Variants in FUT8 observed in about 807,000 individuals in gnomAD.
FUT8 encodes the protein alpha-(1,6)-fucosyltransferase.
FUT8 carries 29 observed loss-of-function variants against 71.3 expected under a neutral mutation model. The observed-to-expected ratio is 0.41, with a 90% confidence interval of 0.30 to 0.55. The LOEUF is 0.55. Ranked by LOEUF, FUT8 falls within the 20% of genes least tolerant of loss-of-function variation. The pLI, the probability that FUT8 is intolerant of heterozygous loss-of-function variation, is 0.34. For synonymous variants in FUT8, 254 were observed against 239.3 expected (o/e 1.06, Z -0.57); for missense variants, 544 against 702.1 (o/e 0.77, Z 2.55).
In FUT8 at chr14:65,469,337, G is replaced by A. The variant is rs1409026541; in HGVS notation, c.-228+13619G>A. Among the ~76,000 whole-genome samples the A allele has an allele frequency of 3.9e-5, 6 of 152,010 alleles. No homozygotes were observed. The East Asian group carries it at 1.2e-3, about 29-fold the overall frequency. ...ATTTTTTTTCATAGCCAGACAGAAT[G>A]TATCAGGTAAAAGGAACTGAGGTAA... On this transcript the variant is annotated intron_variant, in intron 2 of 10. Transcript: ENST00000673929.
chr14:65,704,644 A>G (rs1894472461), intron 7 of FUT8, among the ~76,000 whole-genome samples: 1 of 152,210 alleles, frequency 6.6e-6, no homozygotes, highest in Admixed American at 6.5e-5. Context: ...TATCCCCTTT[A>G]TTAGCAAGCT....
intron 2 of FUT8, among the ~76,000 whole-genome samples, chr14:65,520,892 T>G (rs1452254054): frequency 6.6e-6 from 1 of 152,178 alleles, no homozygotes; most frequent in Non-Finnish European, 1.5e-5. Context: ...CCAGAAATTG[T>G]ATATTTAGCT....
At chr14:65,634,197 C>G (rs1890408820) in intron 6 of FUT8, among the ~76,000 whole-genome samples, 1 of 151,924 alleles carries the variant, frequency 6.6e-6, no homozygotes, top group Admixed American at 6.6e-5. Context: ...ACATGGGAGA[C>G]TTTTCATTTT....
intron 1 of FUT8, among the ~76,000 whole-genome samples, chr14:65,442,179 C>CTT (rs1021625986): frequency 4.3e-5 from 6 of 140,636 alleles, no homozygotes; most frequent in Admixed American, 7.2e-5. Flanking sequence ...TAAGGGTGGA[C>CTT]TTTTTTTTTT....
At chr14:65,487,860 C>T (rs1454935612) in intron 2 of FUT8, among the ~76,000 whole-genome samples, 2 of 152,192 alleles carry the variant, frequency 1.3e-5, no homozygotes, top group South Asian at 2.1e-4. Context: ...CAGGGTCTTG[C>T]TCTGTTGCCC....
At chr14:65,700,941 A>T (rs1028764402) in intron 7 of FUT8, among the ~76,000 whole-genome samples, 1 of 152,224 alleles carries the variant, frequency 6.6e-6, no homozygotes, top group Non-Finnish European at 1.5e-5. Flanking sequence ...ACACATATTT[A>T]TACATAACAC....
intron 7 of FUT8, 32 bp from the exon 8 acceptor site, chr14:65,721,742 TG>T: frequency 6.2e-7 from 1 of 1,609,530 alleles, no homozygotes; most frequent in Non-Finnish European, 8.5e-7. Flanking sequence ...AGGAATACCA[TG>T]TGGTAATGAT....
At chr14:65,708,471 T>C (rs1894663161) in intron 7 of FUT8, among the ~76,000 whole-genome samples, 1 of 152,236 alleles carries the variant, frequency 6.6e-6, no homozygotes, top group Non-Finnish European at 1.5e-5. Context: ...TTCCAATCCA[T>C]GAACATGGTA....
chr14:65,523,726 A>C (rs1404638345), intron 2 of FUT8, among the ~76,000 whole-genome samples: 3 of 152,166 alleles, frequency 2.0e-5, no homozygotes, highest in Non-Finnish European at 4.4e-5. Flanking sequence ...TTAGGTCTTT[A>C]ATCCATCTTG....
At chr14:65,402,752 G>A in the FUT8 span, among the ~76,000 whole-genome samples, 4 of 152,140 alleles carry the variant, frequency 2.6e-5, no homozygotes, top group Admixed American at 6.6e-5. Flanking sequence ...TCCTGCCTCA[G>A]CCTCTTAAAG....
At chr14:65,359,285 AAGAAAC>A in the FUT8 span, among the ~76,000 whole-genome samples, 1 of 152,226 alleles carries the variant, frequency 6.6e-6, no homozygotes, top group Non-Finnish European at 1.5e-5. Context: ...AAAATGAGAG[AAGAAAC>A]CAATAAACAA....
At chr14:65,683,633 C>T (rs145623529) in intron 7 of FUT8, among the ~76,000 whole-genome samples, 2,405 of 151,810 alleles carry the variant, frequency 0.016, 26 homozygotes, top group Non-Finnish European at 0.022. Flanking sequence ...AAGAATATTA[C>T]AGTTAAATAA....
chr14:65,468,292 G>A lies in FUT8; in HGVS notation c.-228+12574G>A, dbSNP rs10131095. 2,176 of 618,762 alleles carry A rather than the reference G, an allele frequency of 3.5e-3. 38 individuals are homozygous for A. The African/African-American group carries it at 0.036, about 10-fold the overall frequency. 38.3% of individuals were successfully genotyped at this position (618,762 alleles called of 1,614,324 possible). ...AGGAACAACTCCATGTTTACTAAAA[G>A]GCCTAGAGAACATATATCGGGTGCC... On this transcript the variant is annotated intron_variant, in intron 2 of 10. Coordinates refer to ENST00000673929, the MANE Select transcript of FUT8 (RefSeq NM_001371533.1).
At chr14:65,734,587 ATC>A (rs1458394475) in intron 10 of FUT8, among the ~76,000 whole-genome samples, 3 of 152,122 alleles carry the variant, frequency 2.0e-5, no homozygotes, top group Non-Finnish European at 4.4e-5. Context: ...TGTGGATCCT[ATC>A]TTTAAGAAAC....
chr14:65,706,422 G>T (rs577017293), intron 7 of FUT8, among the ~76,000 whole-genome samples: 13 of 152,178 alleles, frequency 8.5e-5, no homozygotes, highest in Admixed American at 2.6e-4. Flanking sequence ...TTTGCTAAGG[G>T]CAGATAAGAG....
rs531982088 is a variant in FUT8 at position 65,654,897 on chromosome 14, T to TTTTTTGTTTTTG, written c.598-14333_598-14322dup. On this transcript the variant is annotated intron_variant, in intron 6 of 10. Transcript: ENST00000673929. ...AGGACAAAGACTGGCAGAATGGTGTTTTTTTGTTTTTGTTTTTGTTTTTGA... is the reference window on the plus strand; with the variant it reads ...AGGACAAAGACTGGCAGAATGGTGTTTTTTTGTTTTTGTTTTTGTTTTTGTTTTTGTTTTTGA... 3.4e-3 allele frequency among the ~76,000 whole-genome samples: 510 copies of TTTTTTGTTTTTG among 151,776 alleles called. 2 individuals carry two copies. The highest frequency in any genetic ancestry group is 0.012 in the African/African-American group (484 of 41,368).
the FUT8 span, among the ~76,000 whole-genome samples, chr14:65,382,586 C>T: frequency 1.7e-4 from 26 of 152,108 alleles, no homozygotes; most frequent in Middle Eastern, 3.2e-3. Context: ...GTGATCTGCC[C>T]GCCTGGACCT....
Position 65,588,734 on chromosome 14 carries a change from A to G in FUT8, c.203+26968A>G, listed in dbSNP as rs374466042. Among the ~76,000 whole-genome samples, 15 of 152,324 alleles carry G rather than the reference A, an allele frequency of 9.8e-5. 3 individuals carry two copies. The highest frequency in any genetic ancestry group is 3.6e-4 in the African/African-American group (15 of 41,586). On this transcript the variant is annotated intron_variant, in intron 3 of 10. Transcript: ENST00000673929. The stretch of plus-strand genomic sequence containing the variant: ...GATATTTTGAGAGAGAGAGAATGCA[A>G]GAGAAAGACCACATTCACCTAACAT...
intron 1 of FUT8, among the ~76,000 whole-genome samples, chr14:65,432,868 C>T (rs1358565793): frequency 1.3e-5 from 2 of 152,076 alleles, no homozygotes; most frequent in African/African-American, 4.8e-5. Context: ...CAAGAAATAG[C>T]CATAAAAATA....
Sources: gnomAD v4.1 joint callset for allele counts (sites outside exome capture counted in the v4.1 genomes callset) on GRCh38, gnomAD v4.1.1 for gene constraint, MANE v1.5 for transcripts, NCBI Gene and HGNC (gene_info 2026-07-23, HGNC 2026-07-21) for gene names.